The following CREB5 variants were observed in gnomAD, a reference collection of about 807,000 sequenced individuals.
The protein encoded by CREB5 is cAMP responsive element binding protein 5, also known as cyclic AMP-responsive element-binding protein 5.
Under a neutral mutation model 57.1 loss-of-function variants are expected in CREB5, and 19 were observed. The ratio of observed to expected loss-of-function variants is 0.33; its 90% CI spans 0.23 to 0.49. The LOEUF is 0.49. Ranked by LOEUF, CREB5 falls within the 20% of genes least tolerant of loss-of-function variation. The pLI, the probability that CREB5 is intolerant of heterozygous loss-of-function variation, is 0.99. For synonymous variants in CREB5, 238 were observed against 238.3 expected (o/e 1.00, Z 0.01); for missense variants, 579 against 671.6 (o/e 0.86, Z 1.52).
intron 1 of CREB5, among the ~76,000 whole-genome samples, chr7:28,380,785 T>A (rs1786952130): frequency 6.6e-6 from 1 of 152,118 alleles, no homozygotes; most frequent in African/African-American, 2.4e-5. Flanking sequence ...CCCACATAAT[T>A]TTTTTGACCT....
At chr7:28,757,623 A>C (rs564240131) in intron 7 of CREB5, among the ~76,000 whole-genome samples, 4 of 151,840 alleles carry the variant, frequency 2.6e-5, no homozygotes, top group African/African-American at 9.7e-5. Context: ...CAGTGAGCCG[A>C]GATCACGCCA....
chr7:28,488,715 T>G (rs1423938278), intron 2 of CREB5, among the ~76,000 whole-genome samples: 1 of 152,252 alleles, frequency 6.6e-6, no homozygotes, highest in Non-Finnish European at 1.5e-5. Context: ...ATAACTCTTC[T>G]AGAGTCTACA....
At chr7:28,391,155 C>T (rs1343625043) in intron 1 of CREB5, among the ~76,000 whole-genome samples, 1 of 152,136 alleles carries the variant, frequency 6.6e-6, no homozygotes, top group Non-Finnish European at 1.5e-5. Context: ...TGTATCATCG[C>T]TCAGTTTTCT....
chr7:28,675,842 A>G (rs994209618), intron 5 of CREB5, among the ~76,000 whole-genome samples: 5 of 151,832 alleles, frequency 3.3e-5, no homozygotes, highest in African/African-American at 1.2e-4. Context: ...GATGAGGAAG[A>G]CTCTGGGTTC....
rs925718419 is a variant in CREB5 at position 28,821,439 on chromosome 7, G to A, written c.*2160G>A. ...AGTGAAACTTATGACTTGGATATAT[G>A]GTTGAAGAATCAAAACAAAAGCAAA... On this transcript the variant is annotated 3_prime_UTR_variant, in exon 11 of 11. Transcript: ENST00000357727. 33 of 149,966 alleles carry A rather than the reference G, an allele frequency of 2.2e-4. No homozygotes were observed. Among genetic ancestry groups the A allele is most frequent in the African/African-American group, 7.8e-4 (32 of 40,850 alleles). 9.3% of individuals were successfully genotyped at this position (149,966 alleles called of 1,614,324 possible).
intron 4 of CREB5, among the ~76,000 whole-genome samples, chr7:28,512,181 T>C (rs1792736395): frequency 6.6e-6 from 1 of 152,078 alleles, no homozygotes; most frequent in Non-Finnish European, 1.5e-5. Flanking sequence ...GACCAGCAGA[T>C]GGATATATAG....
At chr7:28,565,558 A>G (rs1352679122) in intron 4 of CREB5, among the ~76,000 whole-genome samples, 1 of 152,220 alleles carries the variant, frequency 6.6e-6, no homozygotes, top group Non-Finnish European at 1.5e-5. Flanking sequence ...TAAAGCATCT[A>G]CCATCGTGCC....
At chr7:28,604,640 AATAAG>A (rs1797042541) in intron 5 of CREB5, among the ~76,000 whole-genome samples, 1 of 151,384 alleles carries the variant, frequency 6.6e-6, no homozygotes, top group Non-Finnish European at 1.5e-5. Context: ...AAAATAAAAT[AATAAG>A]ATAATAAAAG....
intron 1 of CREB5, among the ~76,000 whole-genome samples, chr7:28,415,939 GAAGTGA>G (rs890829469): frequency 3.9e-5 from 6 of 152,190 alleles, no homozygotes; most frequent in Non-Finnish European, 7.3e-5. Context: ...GAGGTGACGA[GAAGTGA>G]ATTGAGTCTG....
At chr7:28,411,750 T>C (rs1787814472), upstream of CREB5, among the ~76,000 whole-genome samples, 1 of 152,230 alleles carries the variant, frequency 6.6e-6, no homozygotes, top group African/African-American at 2.4e-5. Flanking sequence ...TTCTTATAAT[T>C]AGATCTACTT....
At chr7:28,485,689 A>T (rs1791517790) in intron 1 of CREB5, among the ~76,000 whole-genome samples, 1 of 152,194 alleles carries the variant, frequency 6.6e-6, no homozygotes. Flanking sequence ...GGTCAGGCAG[A>T]TGAAAGCTAC....
intron 1 of CREB5, among the ~76,000 whole-genome samples, chr7:28,310,345 A>G (rs1785254552): frequency 6.6e-6 from 1 of 152,234 alleles, no homozygotes; most frequent in Non-Finnish European, 1.5e-5. Context: ...TAGCACAAAG[A>G]TTAGAAAGCA....
chr7:28,463,972 G>A (rs1021049255), intron 1 of CREB5, among the ~76,000 whole-genome samples: 1 of 152,082 alleles, frequency 6.6e-6, no homozygotes, highest in Non-Finnish European at 1.5e-5. Flanking sequence ...AGTAGTGAGA[G>A]CTAATATCTT....
intron 1 of CREB5, among the ~76,000 whole-genome samples, chr7:28,433,142 C>T (rs892549994): frequency 3.3e-5 from 5 of 152,154 alleles, no homozygotes; most frequent in Admixed American, 3.3e-4. Flanking sequence ...CCATCTTGCA[C>T]ATAACCCTTT....
intron 7 of CREB5, among the ~76,000 whole-genome samples, chr7:28,766,086 TA>T (rs5883167): frequency 5.3e-5 from 8 of 149,776 alleles, no homozygotes; most frequent in African/African-American, 7.4e-5. Flanking sequence ...ACACATCAAC[TA>T]AAAAAAAAAT....
rs1439847592 is a variant in CREB5, at chr7:28,767,778, A to G, written c.703-36421A>G. Among the ~76,000 whole-genome samples the G allele has an allele frequency of 3.3e-5, 5 of 152,202 alleles. No homozygotes were observed. The East Asian group carries it at 7.7e-4, about 23-fold the overall frequency. On this transcript the variant is annotated intron_variant, in intron 7 of 10. Transcript: ENST00000357727. ...TCCAGCCCAAGCTTCCAAGCTCCCA[A>G]CTGGGGAACAAAAGCAGCTCATTTT...
chr7:28,563,063 C>T (rs1254110146), intron 4 of CREB5, among the ~76,000 whole-genome samples: 2 of 152,144 alleles, frequency 1.3e-5, no homozygotes, highest in Non-Finnish European at 2.9e-5. Context: ...CCTCAATGTC[C>T]TCAACTGTAT....
At chr7:28,791,973 AG>A (rs1807739838) in intron 7 of CREB5, among the ~76,000 whole-genome samples, 1 of 152,208 alleles carries the variant, frequency 6.6e-6, no homozygotes. Context: ...AGACGTAAAA[AG>A]ATAGCTTAGC....
At chr7:28,691,613 G>A (rs147874223) in intron 5 of CREB5, among the ~76,000 whole-genome samples, 1 of 152,116 alleles carries the variant, frequency 6.6e-6, no homozygotes, top group East Asian at 1.9e-4. Flanking sequence ...TTAGGATGGC[G>A]GGTAGTGGAA....
Sources: allele counts gnomAD v4.1 joint callset (sites outside exome capture counted in the v4.1 genomes callset), GRCh38; gene constraint gnomAD v4.1.1; transcripts MANE v1.5; gene names NCBI Gene and HGNC (gene_info 2026-07-23, HGNC 2026-07-21).